Variants in MTAP observed in about 807,000 individuals in gnomAD.
The protein encoded by MTAP is S-methyl-5'-thioadenosine phosphorylase.
Under a neutral mutation model 33.6 loss-of-function variants are expected in MTAP, and 33 were observed. The ratio of observed to expected loss-of-function variants is 0.98; its 90% confidence interval spans 0.74 to 1.31. The LOEUF is 1.31. MTAP is among the 40% of genes most tolerant of loss of function. The pLI is 0.00. For synonymous variants in MTAP, 148 were observed against 125.7 expected (o/e 1.18, Z -1.19); for missense variants, 367 against 360.0 (o/e 1.02, Z -0.16).
In MTAP at chr9:21,818,180, A is replaced by G. The variant is rs1428366736; in HGVS notation, c.325A>G (p.Ile109Val). Residue 109 changes from isoleucine to valine, a missense_variant, in exon 4 of 8, where the codon ATT becomes GTT. Coordinates refer to ENST00000644715, the MANE Select transcript of MTAP (RefSeq NM_002451.4). Reference sequence around the variant, plus strand: ...GGAGATTCAGCCCGGCGATATTGTCATTATTGATCAGTTCATTGACAGGTA... The same window carrying G: ...GGAGATTCAGCCCGGCGATATTGTCGTTATTGATCAGTTCATTGACAGGTA... ...REEIQPGDIV[I>V]IDQFIDRTTM... 4 of 1,613,890 alleles carry G rather than the reference A, an allele frequency of 2.5e-6. No individual in the cohort carries two copies. Among genetic ancestry groups the G allele is most frequent in the African/African-American group, 2.7e-5 (2 of 74,902 alleles).
In MTAP at chr9:21,865,816, A is replaced by T. The variant is rs1053484801; in HGVS notation, c.*3802A>T. 1 of 1,004,636 alleles carries T rather than the reference A, an allele frequency of 1.0e-6. No homozygotes were observed. The highest frequency in any genetic ancestry group is 1.2e-6 in the Non-Finnish European group (1 of 839,322). The allele number at this position is 1,004,636 out of a possible 1,614,324, so 62.2% of individuals were successfully genotyped here. A position where few individuals can be genotyped will look rare whatever the true frequency, so the allele number is the denominator to read the frequency against. On this transcript the variant is annotated 3_prime_UTR_variant, in exon 8 of 8. Transcript: ENST00000644715. ...ATTTCTTTGTTTTGAAGATTCACTC[A>T]TGTTGCATGCATCTGTAGCTTGTGC...
intron 4 of MTAP, among the ~76,000 whole-genome samples, chr9:21,825,852 T>C (rs938053174): frequency 6.6e-6 from 1 of 152,176 alleles, no homozygotes; most frequent in Non-Finnish European, 1.5e-5. Context: ...TGTGAGGTGA[T>C]ATCTTATTGT....
chr9:21,842,938 C>A (rs1825287487), intron 5 of MTAP, among the ~76,000 whole-genome samples: 1 of 152,130 alleles, frequency 6.6e-6, no homozygotes, highest in African/African-American at 2.4e-5. Context: ...TGTAAATGAC[C>A]TAAATGCCCC....
intron 1 of MTAP, among the ~76,000 whole-genome samples, chr9:21,927,817 G>T (rs1818893977): frequency 6.6e-6 from 1 of 152,176 alleles, no homozygotes; most frequent in African/African-American, 2.4e-5. Flanking sequence ...CCTTCCTGGT[G>T]CTTCACACCC....
chr9:21,939,056 T>A (rs1048028261), downstream of MTAP, among the ~76,000 whole-genome samples: 5 of 152,054 alleles, frequency 3.3e-5, no homozygotes, highest in African/African-American at 7.2e-5. Context: ...AATCATGGAG[T>A]CTGGTCTTTC....
At position 21,863,052 on chromosome 9, in the gene MTAP, A is replaced by G. The variant is rs180861815; in HGVS notation, c.*1038A>G. ...TTACATCTTTATTCTGCTAAAGAAG[A>G]GGATCATTGATTTCTGTACAGTCAG... On this transcript the variant is annotated 3_prime_UTR_variant, in exon 8 of 8. Coordinates refer to ENST00000644715, the MANE Select transcript of MTAP (RefSeq NM_002451.4). 5.4e-4 allele frequency: 533 copies of G among 985,418 alleles called. 2 individuals are homozygous for G. The African/African-American group carries it at 8.1e-3, about 15-fold the overall frequency. 61.0% of individuals were successfully genotyped at this position (985,418 alleles called of 1,614,324 possible). A position where few individuals can be genotyped will look rare whatever the true frequency, so the allele number is the denominator to read the frequency against.
intron 1 of MTAP, among the ~76,000 whole-genome samples, chr9:21,908,760 G>T (rs1313478491): frequency 6.6e-6 from 1 of 151,216 alleles, no homozygotes; most frequent in Non-Finnish European, 1.5e-5. Context: ...TTTAATTTAG[G>T]TACAGTGTTT....
intron 1 of MTAP, among the ~76,000 whole-genome samples, chr9:21,890,378 G>A (rs1410688323): frequency 1.3e-5 from 2 of 152,168 alleles, no homozygotes. Context: ...ATTCAAGCAG[G>A]GCTTTCAGGC....
downstream of MTAP, among the ~76,000 whole-genome samples, chr9:21,868,917 T>C (rs1386430407): frequency 3.9e-5 from 6 of 152,120 alleles, no homozygotes; most frequent in Non-Finnish European, 2.9e-5. Flanking sequence ...GCCTGATAAT[T>C]TGCATTTCCA....
At chr9:21,809,225 G>A (rs1440506037) in intron 1 of MTAP, among the ~76,000 whole-genome samples, 1 of 152,076 alleles carries the variant, frequency 6.6e-6, no homozygotes, top group Non-Finnish European at 1.5e-5. Flanking sequence ...CCCATCTCAA[G>A]ATCCTGGATT....
downstream of MTAP, among the ~76,000 whole-genome samples, chr9:21,938,881 C>G (rs1819087340): frequency 6.6e-6 from 1 of 152,116 alleles, no homozygotes; most frequent in Admixed American, 6.5e-5. Context: ...TTCCAGGACT[C>G]TATTGGAAAA....
intron 1 of MTAP, among the ~76,000 whole-genome samples, chr9:21,875,994 T>G (rs1271115700): frequency 6.6e-6 from 1 of 152,134 alleles, no homozygotes; most frequent in Non-Finnish European, 1.5e-5. Context: ...CTCCCACCAG[T>G]ATCAGTGTTC....
chr9:21,924,103 A>G (rs551139417), intron 1 of MTAP, among the ~76,000 whole-genome samples: 3 of 152,342 alleles, frequency 2.0e-5, no homozygotes, highest in African/African-American at 7.2e-5. Context: ...TCAAGTGGGT[A>G]ATTGTGATGA....
intron 1 of MTAP, among the ~76,000 whole-genome samples, chr9:21,898,907 C>A (rs149120066): frequency 0.024 from 3,577 of 152,170 alleles, 150 homozygotes; most frequent in African/African-American, 0.08. Context: ...GATTATAAAT[C>A]ATGCTGTTAT....
chr9:21,824,415 C>T (rs985481228), intron 4 of MTAP, among the ~76,000 whole-genome samples: 2 of 152,166 alleles, frequency 1.3e-5, no homozygotes, highest in African/African-American at 2.4e-5. Flanking sequence ...TGCAGAACGG[C>T]GAATGTTGCT....
chr9:21,898,204 T>A (rs1312260754), intron 1 of MTAP, among the ~76,000 whole-genome samples: 3 of 152,206 alleles, frequency 2.0e-5, no homozygotes, highest in Non-Finnish European at 4.4e-5. Flanking sequence ...CCTGGATCCC[T>A]TCCTTACACC....
chr9:21,900,100 C>T (rs529167276), intron 1 of MTAP, among the ~76,000 whole-genome samples: 1 of 152,156 alleles, frequency 6.6e-6, no homozygotes, highest in Admixed American at 6.5e-5. Flanking sequence ...TAGGAAATAC[C>T]ATTCTAGACA....
chr9:21,893,035 A>C (rs1818226210), intron 1 of MTAP: 2 of 152,270 alleles, frequency 1.3e-5, no homozygotes, highest in African/African-American at 4.8e-5. Context: ...TTGGCTAAGC[A>C]ATGAAATTAA....
downstream of MTAP, among the ~76,000 whole-genome samples, chr9:21,871,454 A>C (rs957852169): frequency 3.9e-5 from 6 of 152,002 alleles, no homozygotes; most frequent in African/African-American, 1.4e-4. Flanking sequence ...CTTTGCAAAC[A>C]CCCTATTCTG....
Sources: allele counts gnomAD v4.1 joint callset (sites outside exome capture counted in the v4.1 genomes callset), GRCh38; gene constraint gnomAD v4.1.1; transcripts MANE v1.5; gene names NCBI Gene and HGNC (gene_info 2026-07-23, HGNC 2026-07-21).